The following TTLL5 variants were observed in gnomAD, a reference collection of about 807,000 sequenced individuals.
TTLL5 encodes tubulin tyrosine ligase like 5.
In TTLL5, 132 loss-of-function variants were observed where a neutral mutation model predicts 168.4. The ratio of observed to expected loss-of-function variants is 0.78; its 90% CI spans 0.68 to 0.91. TTLL5 has a LOEUF of 0.91. Among genes scored for constraint, TTLL5 ranks in the 40% least tolerant of loss-of-function variants. The pLI, the probability that TTLL5 is intolerant of heterozygous loss-of-function variation, is 0.00. For synonymous variants in TTLL5, 546 were observed against 558.6 expected, an observed-to-expected ratio of 0.98 and a Z score of 0.32; for missense variants, 1,545 against 1,581.5, an observed-to-expected ratio of 0.98 and a Z score of 0.39.
chr14:75,861,014 C>T (rs901365278), intron 28 of TTLL5, among the ~76,000 whole-genome samples: 2 of 152,172 alleles, frequency 1.3e-5, no homozygotes, highest in African/African-American at 4.8e-5. Context: ...CTAGAAGTCT[C>T]TTGGGAAAGA....
At chr14:75,831,707 T>G (rs1047539554) in intron 28 of TTLL5, among the ~76,000 whole-genome samples, 3 of 152,234 alleles carry the variant, frequency 2.0e-5, no homozygotes, top group Admixed American at 1.3e-4. Context: ...AAGTTTTGTT[T>G]TAGCAGCTGC....
intron 31 of TTLL5, among the ~76,000 whole-genome samples, chr14:75,944,320 G>GA (rs1284978187): frequency 6.6e-6 from 1 of 152,136 alleles, no homozygotes; most frequent in Non-Finnish European, 1.5e-5. Flanking sequence ...CTCAGTGAGG[G>GA]ACACCATCCT....
chr14:75,797,351 G>C (rs909547234), intron 27 of TTLL5, among the ~76,000 whole-genome samples: 1 of 151,804 alleles, frequency 6.6e-6, no homozygotes, highest in Admixed American at 6.6e-5. Context: ...CTAGGTATAT[G>C]ATCATATTGG....
chr14:75,900,415 G>A (rs2032872470), intron 30 of TTLL5, among the ~76,000 whole-genome samples: 1 of 152,178 alleles, frequency 6.6e-6, no homozygotes, highest in Non-Finnish European at 1.5e-5. Flanking sequence ...TGTAGGGACT[G>A]TGTGGGCACC....
At chr14:75,860,862 C>A (rs1161896516) in intron 28 of TTLL5, among the ~76,000 whole-genome samples, 1 of 152,114 alleles carries the variant, frequency 6.6e-6, no homozygotes, top group Non-Finnish European at 1.5e-5. Context: ...ATAATAGGTT[C>A]CTCAGGCTCC....
intron 28 of TTLL5, chr14:75,835,408 A>G (rs1386705645): frequency 6.6e-6 from 1 of 152,348 alleles, no homozygotes; most frequent in South Asian, 2.1e-4. Context: ...TATTGCCCTC[A>G]TTAGACTCTA....
intron 31 of TTLL5, chr14:75,930,782 A>G (rs948671010): frequency 1.1e-5 from 4 of 350,696 alleles, no homozygotes; most frequent in African/African-American, 6.7e-5. Flanking sequence ...TAGCCGGACA[A>G]TCCTAACATC....
Position 75,782,588 on chromosome 14 carries a change from A to T in TTLL5, c.2602+15A>T. ...TAAATTATCTCGTGAGTGATTTCAAACCTACCTAGATTTGCTGCTCTCTGA... is the reference window on the plus strand; with the variant it reads ...TAAATTATCTCGTGAGTGATTTCAATCCTACCTAGATTTGCTGCTCTCTGA... On this transcript the variant is annotated intron_variant, in intron 25 of 31. Transcript: ENST00000298832. 1.2e-6 allele frequency: 2 copies of T among 1,606,370 alleles called. No individual in the cohort carries two copies. Among genetic ancestry groups the T allele is most frequent in the Non-Finnish European group, 1.7e-6 (2 of 1,174,092 alleles).
chr14:75,667,751 G>GTTT (rs67181555), intron 2 of TTLL5, among the ~76,000 whole-genome samples: 2,786 of 89,094 alleles, frequency 0.031, 282 homozygotes, highest in Middle Eastern at 0.048. Flanking sequence ...ATCTTTTTAT[G>GTTT]TTTTTTTTTT....
intron 29 of TTLL5, among the ~76,000 whole-genome samples, chr14:75,865,325 C>T (rs896638985): frequency 6.6e-6 from 1 of 151,736 alleles, no homozygotes; most frequent in African/African-American, 2.4e-5. Context: ...TTTAAACTCC[C>T]TGTCATTCAG....
At chr14:75,751,596 C>G (rs1341732872) in intron 17 of TTLL5, among the ~76,000 whole-genome samples, 1 of 152,116 alleles carries the variant, frequency 6.6e-6, no homozygotes, top group African/African-American at 2.4e-5. Flanking sequence ...TATGAATTAT[C>G]TCTGGAATTT....
intron 28 of TTLL5, among the ~76,000 whole-genome samples, chr14:75,834,327 G>A (rs1390810630): frequency 6.6e-6 from 1 of 152,066 alleles, no homozygotes; most frequent in African/African-American, 2.4e-5. Flanking sequence ...AGGATAAAGT[G>A]GGAAAGTTGA....
At chr14:75,870,438 T>G (rs1047274226) in intron 29 of TTLL5, among the ~76,000 whole-genome samples, 5 of 152,112 alleles carry the variant, frequency 3.3e-5, no homozygotes, top group Non-Finnish European at 5.9e-5. Flanking sequence ...AGAAATATCT[T>G]AATAAGGTGT....
rs779740755 is a variant in TTLL5, at chr14:75,863,707, G to C, written c.3367G>C (p.Glu1123Gln). The C allele has an allele frequency of 5.0e-6, 8 of 1,612,776 alleles. No homozygotes were observed. The highest frequency in any genetic ancestry group is 6.8e-6 in the Non-Finnish European group (8 of 1,179,560). The change falls in exon 29 of 32, where the codon GAA becomes CAA. Residue 1123 changes from glutamate (E) to glutamine (Q), a missense_variant. Transcript: ENST00000298832. ...GGGATTTGCCTGGGAAGGAGAAGTA[G>C]AAAACAACGTGTACAGCCAGGCTAC... is the stretch of plus-strand genomic sequence containing the variant. The part of the protein sequence containing the change: ...TGGFAWEGEV[E>Q]NNVYSQATGV...
chr14:75,709,546 C>A, intron 9 of TTLL5: 1 of 244,534 alleles, frequency 4.1e-6, no homozygotes, highest in South Asian at 6.3e-5. Context: ...TGAAACATCT[C>A]GCAGTTATTA....
At chr14:75,890,783 G>A (rs1361463537) in intron 30 of TTLL5, among the ~76,000 whole-genome samples, 30 of 152,050 alleles carry the variant, frequency 2.0e-4, no homozygotes. Context: ...GCAGTGGCGC[G>A]ATCTTGGCTC....
intron 28 of TTLL5, among the ~76,000 whole-genome samples, chr14:75,825,826 C>T (rs1473098560): frequency 6.6e-6 from 1 of 152,032 alleles, no homozygotes; most frequent in Non-Finnish European, 1.5e-5. Context: ...TTCTCCAGTA[C>T]ATGTATGATA....
intron 13 of TTLL5, among the ~76,000 whole-genome samples, 153 bp from the exon 14 acceptor site, chr14:75,733,836 T>C (rs1888712358): frequency 6.6e-6 from 1 of 152,096 alleles, no homozygotes; most frequent in African/African-American, 2.4e-5. Context: ...TTGCCCAGGA[T>C]TTTTCCCCCA....
chr14:75,875,819 A>G (rs1237698489), intron 29 of TTLL5, among the ~76,000 whole-genome samples: 1 of 152,272 alleles, frequency 6.6e-6, no homozygotes, highest in Non-Finnish European at 1.5e-5. Context: ...ACATGCATAC[A>G]TACATATAGA....
Sources: allele counts gnomAD v4.1 joint callset (sites outside exome capture counted in the v4.1 genomes callset), GRCh38; gene constraint gnomAD v4.1.1; transcripts MANE v1.5; gene names NCBI Gene and HGNC (gene_info 2026-07-23, HGNC 2026-07-21).